Variants in TANGO2 observed in about 807,000 individuals in gnomAD.
The protein encoded by TANGO2 is transport and golgi organization 2 homolog, also known as transport and Golgi organization protein 2 homolog.
In TANGO2, 26 loss-of-function variants were observed where a neutral mutation model predicts 39.1. The ratio of observed to expected loss-of-function variants is 0.67; its 90% confidence interval spans 0.49 to 0.92. The LOEUF (loss-of-function observed/expected upper bound fraction) is 0.92, where lower values mean the gene tolerates loss of function less well. Among genes scored for constraint, TANGO2 ranks in the 40% least tolerant of loss-of-function variants. The pLI is 0.00. For missense variants in TANGO2, 326 were observed against 360.1 expected (o/e 0.91, Z 0.77); for synonymous variants, 131 against 144.5 (o/e 0.91, Z 0.67).
rs112099725 is a variant in TANGO2, at chr22:20,054,075, C to T, written c.380+524C>T. The T allele has an allele frequency of 1.8e-3, 494 of 282,124 alleles. 1 individual carries two copies. Among genetic ancestry groups the T allele is most frequent in the African/African-American group, 0.01 (453 of 44,156 alleles). 17.5% of individuals were successfully genotyped at this position (282,124 alleles called of 1,614,324 possible). A position where few individuals can be genotyped will look rare whatever the true frequency, so the allele number is the denominator to read the frequency against. Reference sequence around the variant, plus strand: ...GGGGCCTTCTGCCAGGACAGGCAAACGGGAAGTGGTCGGCACATTGTGGCG... The same window carrying T: ...GGGGCCTTCTGCCAGGACAGGCAAATGGGAAGTGGTCGGCACATTGTGGCG... On this transcript the variant is annotated intron_variant, in intron 5 of 8. Transcript: ENST00000327374.
intron 6 of TANGO2, chr22:20,056,557 G>A (rs1346411908): frequency 2.2e-6 from 1 of 456,708 alleles, no homozygotes; most frequent in African/African-American, 2.0e-5. Flanking sequence ...CCACTGCCCA[G>A]GCTGTGCCTC....
At chr22:20,063,805 C>T (rs2048814772) in intron 8 of TANGO2, among the ~76,000 whole-genome samples, 1 of 152,230 alleles carries the variant, frequency 6.6e-6, no homozygotes, top group South Asian at 2.1e-4. Flanking sequence ...GGCTGGCTGG[C>T]CCATTGGCAG....
At position 20,064,579 on chromosome 22, in the gene TANGO2, G is replaced by C. The variant is rs547579806; in HGVS notation, c.748G>C (p.Val250Leu). 1.2e-6 allele frequency: 2 copies of C among 1,614,074 alleles called. No individual in the cohort carries two copies. Among genetic ancestry groups the C allele is most frequent in the Non-Finnish European group, 1.7e-6 (2 of 1,180,014 alleles). The change falls in exon 9 of 9, where the codon GTG becomes CTG. Residue 250 changes from valine to leucine, a missense_variant. Val to Leu is a conservative substitution (Grantham distance 32). Coordinates refer to ENST00000327374, the MANE Select transcript of TANGO2 (RefSeq NM_152906.7). ...CATCCTGGTAGATGCGGACGGCCAC[G>C]TGACCTTCACTGAGCGTAGCATGAT... ...TIILVDADGH[V>L]TFTERSMMDK...
Position 20,066,831 on chromosome 22 carries a change from C to G in TANGO2, c.*2169C>G, listed in dbSNP as rs1229742566. ...GAGCCCCCCGGATGTTCACCTCTGC[C>G]CAGAGACCCGGCCTGCCCAGGAAGA... On this transcript the variant is annotated 3_prime_UTR_variant, in exon 9 of 9. Transcript: ENST00000327374. Among the ~76,000 whole-genome samples the G allele has an allele frequency of 1.3e-5, 2 of 152,120 alleles. No homozygotes were observed. Among genetic ancestry groups the G allele is most frequent in the Non-Finnish European group, 2.9e-5 (2 of 68,014 alleles).
Position 20,064,754 on chromosome 22 carries a change from C to A in TANGO2, c.*92C>A. On this transcript the variant is annotated 3_prime_UTR_variant, in exon 9 of 9. Coordinates refer to ENST00000327374, the MANE Select transcript of TANGO2 (RefSeq NM_152906.7). ...AACCTTCCTTTGCCATACTGCATTG[C>A]ACTGCCCGTGGCTTGGCCAGCATCC... 1 of 1,513,996 alleles carries A rather than the reference C, an allele frequency of 6.6e-7. No individual in the cohort carries two copies. The highest frequency in any genetic ancestry group is 1.9e-5 in the Admixed American group (1 of 51,440). The allele number at this position is 1,513,996 out of a possible 1,614,324, so 93.8% of individuals were successfully genotyped here.
intron 7 of TANGO2, among the ~76,000 whole-genome samples, chr22:20,062,380 C>T (rs2048543303): frequency 6.6e-6 from 1 of 152,220 alleles, no homozygotes; most frequent in African/African-American, 2.4e-5. Context: ...CGTCCACTCC[C>T]ACCCTGTCCA....
At chr22:20,034,129 C>T (rs539927425) in intron 1 of TANGO2, among the ~76,000 whole-genome samples, 4 of 152,262 alleles carry the variant, frequency 2.6e-5, no homozygotes, top group South Asian at 2.1e-4. Context: ...TGCTTGAACT[C>T]GGGGGGCGGA....
chr22:20,030,245 G>T (rs770727259), intron 1 of TANGO2, among the ~76,000 whole-genome samples: 3 of 149,358 alleles, frequency 2.0e-5, no homozygotes, highest in Admixed American at 6.8e-5. Context: ...TCGGTTCACT[G>T]CAACCTCCAC....
chr22:20,024,240 A>G (rs187551351), intron 1 of TANGO2, among the ~76,000 whole-genome samples: 16 of 152,374 alleles, frequency 1.1e-4, no homozygotes, highest in African/African-American at 3.8e-4. Context: ...AAAAAATGCC[A>G]TTTAATAGCC....
chr22:20,036,643 C>A, intron 1 of TANGO2, 117 bp from the exon 2 acceptor site: 1 of 860,072 alleles, frequency 1.2e-6, no homozygotes, highest in Non-Finnish European at 1.9e-6. Flanking sequence ...CCCCCACACC[C>A]AGCAAGTAGT....
chr22:20,054,901 A>G (rs1162059920), intron 5 of TANGO2: 4 of 152,262 alleles, frequency 2.6e-5, no homozygotes, highest in African/African-American at 9.7e-5. Flanking sequence ...AGCCCAGAGG[A>G]GATTTTTGCC....
intron 3 of TANGO2, among the ~76,000 whole-genome samples, chr22:20,052,087 C>T (rs955102969): frequency 1.3e-5 from 2 of 152,180 alleles, no homozygotes; most frequent in African/African-American, 2.4e-5. Flanking sequence ...CTGGTGCATC[C>T]TGCTGGGTGA....
At chr22:20,037,080 A>T in intron 2 of TANGO2, 3 of 1,530,396 alleles carry the variant, frequency 2.0e-6, no homozygotes, top group Non-Finnish European at 2.6e-6. Flanking sequence ...ACTCAGCCAC[A>T]GAAGGCAGCC....
In TANGO2 at chr22:20,064,525, C is replaced by A; in HGVS notation, c.711-17C>A. On this transcript the variant is annotated splice_polypyrimidine_tract_variant and intron_variant, in intron 8 of 8. Transcript: ENST00000327374. Reference sequence around the variant, plus strand: ...CTGAGGGACACCAGGTGAACGAGGGCCCCTGCTCTCTTTCAGAACCAACAC... The same window carrying A: ...CTGAGGGACACCAGGTGAACGAGGGACCCTGCTCTCTTTCAGAACCAACAC... The A allele has an allele frequency of 1.2e-6, 2 of 1,613,834 alleles. No individual in the cohort carries two copies.
At chr22:20,049,101 G>A (rs1028299404) in intron 3 of TANGO2, among the ~76,000 whole-genome samples, 2 of 151,952 alleles carry the variant, frequency 1.3e-5, no homozygotes, top group African/African-American at 2.4e-5. Context: ...TTTATGTTTG[G>A]TCTATGATTT....
intron 5 of TANGO2, 90 bp from the exon 6 acceptor site, chr22:20,055,853 C>T (rs1602292320): frequency 1.7e-6 from 2 of 1,194,330 alleles, no homozygotes; most frequent in East Asian, 2.4e-5. Context: ...ACATCGCTAG[C>T]CTCCAGAAAC....
At chr22:20,017,414 C>G (rs2531717), upstream of TANGO2, among the ~76,000 whole-genome samples, 47,123 of 152,024 alleles carry the variant, frequency 0.31, 8,052 homozygotes, top group Middle Eastern at 0.43. Context: ...GTCCCCGCAG[C>G]GGGGAGACGA....
At chr22:20,046,073 T>A (rs925432509) in intron 3 of TANGO2, among the ~76,000 whole-genome samples, 15 of 152,148 alleles carry the variant, frequency 9.9e-5, no homozygotes, top group African/African-American at 3.6e-4. Flanking sequence ...GTGTAGCTCC[T>A]TCCTCTCTGG....
chr22:20,052,221 T>TGTCA (rs1326098160), intron 3 of TANGO2, among the ~76,000 whole-genome samples: 19 of 152,134 alleles, frequency 1.2e-4, no homozygotes, highest in Admixed American at 1.2e-3. Flanking sequence ...GTGTGGTTGG[T>TGTCA]GTCATAGTTG....
Sources: allele counts gnomAD v4.1 joint callset (sites outside exome capture counted in the v4.1 genomes callset), GRCh38; gene constraint gnomAD v4.1.1; transcripts MANE v1.5; gene names NCBI Gene and HGNC (gene_info 2026-07-23, HGNC 2026-07-21).